CDK6: variants seen among roughly 807,000 people sequenced by gnomAD.
The protein encoded by CDK6 is cyclin-dependent kinase 6.
Under a neutral mutation model 37.1 loss-of-function variants are expected in CDK6, and 6 were observed. That is an observed-to-expected ratio of 0.16 (90% CI 0.09 to 0.32). The LOEUF (loss-of-function observed/expected upper bound fraction) is 0.32, where lower values mean the gene tolerates loss of function less well. CDK6 is among the 10% of genes least tolerant of loss of function. The pLI, the probability that CDK6 is intolerant of heterozygous loss-of-function variation, is 1.00. For missense variants in CDK6, 224 were observed against 418.9 expected (o/e 0.53, Z 4.06); for synonymous variants, 160 against 161.3 (o/e 0.99, Z 0.06).
intron 2 of CDK6, among the ~76,000 whole-genome samples, chr7:92,793,632 T>C (rs1459926540): frequency 6.6e-6 from 1 of 152,046 alleles, no homozygotes; most frequent in Non-Finnish European, 1.5e-5. Context: ...ATGTAAGAGC[T>C]AAAACTATAA....
intron 5 of CDK6, among the ~76,000 whole-genome samples, chr7:92,644,315 T>C (rs913503057): frequency 2.0e-5 from 3 of 152,140 alleles, no homozygotes; most frequent in Non-Finnish European, 4.4e-5. Flanking sequence ...CATGGATATA[T>C]GGGGTTGGGA....
chr7:92,613,121 G>T lies in CDK6; in HGVS notation c.*2019C>A. Reference sequence around the variant, plus strand: ...TCTTGCTCTAGAAAACAATGTTCCTGTTCCTCAAGCTACTGAATTAGAACA... The same window carrying T: ...TCTTGCTCTAGAAAACAATGTTCCTTTTCCTCAAGCTACTGAATTAGAACA... On this transcript the variant is annotated 3_prime_UTR_variant, in exon 8 of 8. Coordinates refer to ENST00000424848, the MANE Select transcript of CDK6 (RefSeq NM_001145306.2). 1 of 233,096 alleles carries T rather than the reference G, an allele frequency of 4.3e-6. No individual in the cohort carries two copies. Among genetic ancestry groups the T allele is most frequent in the Non-Finnish European group, 8.5e-6 (1 of 117,990 alleles). 14.4% of individuals were successfully genotyped at this position (233,096 alleles called of 1,614,324 possible). A position where few individuals can be genotyped will look rare whatever the true frequency, so the allele number is the denominator to read the frequency against.
intron 4 of CDK6, among the ~76,000 whole-genome samples, chr7:92,688,815 T>C (rs1353569048): frequency 1.3e-5 from 2 of 152,212 alleles, no homozygotes; most frequent in Non-Finnish European, 2.9e-5. Flanking sequence ...TTTGTCAGTT[T>C]ATAGCCCTGT....
intron 3 of CDK6, among the ~76,000 whole-genome samples, chr7:92,771,805 C>T (rs150585499): frequency 6.6e-6 from 1 of 152,220 alleles, no homozygotes; most frequent in African/African-American, 2.4e-5. Flanking sequence ...TCTGTGTTCC[C>T]AATAGGTTGT....
chr7:92,762,244 G>C lies in CDK6; in HGVS notation c.369+12452C>G, dbSNP rs377492708. Among the ~76,000 whole-genome samples the C allele has an allele frequency of 3.9e-4, 60 of 152,116 alleles. 1 individual carries two copies. Among genetic ancestry groups the C allele is most frequent in the African/African-American group, 1.4e-3 (57 of 41,516 alleles). On this transcript the variant is annotated intron_variant, in intron 3 of 7. Coordinates refer to ENST00000424848, the MANE Select transcript of CDK6 (RefSeq NM_001145306.2). The stretch of plus-strand genomic sequence containing the variant: ...TTTTTAAAAAAGCACTTTCTTTTTG[G>C]TTTATTTATGGTAAATAAATCTCTC...
intron 3 of CDK6, among the ~76,000 whole-genome samples, chr7:92,754,186 T>G (rs757339701): frequency 6.6e-6 from 1 of 152,162 alleles, no homozygotes; most frequent in African/African-American, 2.4e-5. Flanking sequence ...TTAAATATTT[T>G]AAATGGTGCC....
Position 92,609,260 on chromosome 7 carries a change from A to G in CDK6, c.*5880T>C. ...GCAATATCCTTCCCTACTAAATTTC[A>G]AGTGACACTGCTGTGAGAAAGGTGA... On this transcript the variant is annotated 3_prime_UTR_variant, in exon 8 of 8. Transcript: ENST00000424848. 1 of 232,492 alleles carries G rather than the reference A, an allele frequency of 4.3e-6. No individual in the cohort carries two copies. Among genetic ancestry groups the G allele is most frequent in the Non-Finnish European group, 8.5e-6 (1 of 117,630 alleles). The allele number at this position is 232,492 out of a possible 1,614,324, so 14.4% of individuals were successfully genotyped here.
At chr7:92,829,382 T>C (rs1387770112) in intron 2 of CDK6, among the ~76,000 whole-genome samples, 1 of 152,204 alleles carries the variant, frequency 6.6e-6, no homozygotes, top group Non-Finnish European at 1.5e-5. Flanking sequence ...GCTTTTACTG[T>C]TACACTAATA....
chr7:92,763,375 G>A (rs1353739768), intron 3 of CDK6, among the ~76,000 whole-genome samples: 19 of 152,132 alleles, frequency 1.2e-4, no homozygotes. Flanking sequence ...GTCTGGTAAT[G>A]GTTTACTAAT....
chr7:92,777,076 TGTATAAG>T, intron 2 of CDK6, among the ~76,000 whole-genome samples: 1 of 152,192 alleles, frequency 6.6e-6, no homozygotes, highest in East Asian at 1.9e-4. Context: ...AATTACTTTT[TGTATAAG>T]GTATAAGGAA....
chr7:92,798,586 A>C (rs1488600850), intron 2 of CDK6, among the ~76,000 whole-genome samples: 1 of 152,206 alleles, frequency 6.6e-6, no homozygotes, highest in Non-Finnish European at 1.5e-5. Context: ...CAATTTTTTA[A>C]TGTCTACATA....
chr7:92,668,330 T>C (rs1383071750), intron 5 of CDK6, among the ~76,000 whole-genome samples: 1 of 152,332 alleles, frequency 6.6e-6, no homozygotes, highest in African/African-American at 2.4e-5. Context: ...TGTCTAACAA[T>C]GCATTTCTCA....
At chr7:92,782,592 T>C (rs907698738) in intron 2 of CDK6, among the ~76,000 whole-genome samples, 10 of 152,226 alleles carry the variant, frequency 6.6e-5, no homozygotes, top group African/African-American at 2.4e-4. Context: ...CTGCAGCTAC[T>C]GATGGCTGTC....
intron 3 of CDK6, among the ~76,000 whole-genome samples, chr7:92,765,088 G>A (rs772419805): frequency 9.0e-4 from 137 of 152,120 alleles, no homozygotes; most frequent in Non-Finnish European, 1.5e-3. Flanking sequence ...TCTAGTTCTC[G>A]TGATGGGAAT....
chr7:92,656,521 G>C (rs2116570671), intron 5 of CDK6, among the ~76,000 whole-genome samples: 1 of 152,256 alleles, frequency 6.6e-6, no homozygotes, highest in African/African-American at 2.4e-5. Flanking sequence ...TAAAATCTCA[G>C]CAATCTACAT....
intron 5 of CDK6, among the ~76,000 whole-genome samples, chr7:92,635,048 T>C (rs1796138378): frequency 7.2e-5 from 11 of 152,142 alleles, no homozygotes; most frequent in Admixed American, 7.2e-4. Context: ...TAAAAAGAAA[T>C]AATGTGCAGT....
At chr7:92,731,168 C>T (rs150775612) in intron 3 of CDK6, among the ~76,000 whole-genome samples, 100 of 152,228 alleles carry the variant, frequency 6.6e-4, no homozygotes, top group African/African-American at 2.1e-3. Flanking sequence ...ACAGGGTTCC[C>T]GTGTGCTTTC....
chr7:92,634,475 C>T (rs1796124578), intron 5 of CDK6, among the ~76,000 whole-genome samples: 1 of 148,514 alleles, frequency 6.7e-6, no homozygotes, highest in Non-Finnish European at 1.5e-5. Flanking sequence ...CTCTTCATAA[C>T]TTTTTTTTTT....
At chr7:92,706,908 C>T (rs1174267813) in intron 4 of CDK6, among the ~76,000 whole-genome samples, 7 of 152,230 alleles carry the variant, frequency 4.6e-5, no homozygotes, top group African/African-American at 1.4e-4. Flanking sequence ...TATTTTTCCC[C>T]AGACTTCAAC....
Sources: allele counts gnomAD v4.1 joint callset (sites outside exome capture counted in the v4.1 genomes callset), GRCh38; gene constraint gnomAD v4.1.1; transcripts MANE v1.5; gene names NCBI Gene and HGNC (gene_info 2026-07-23, HGNC 2026-07-21).